The following DNM3 variants were observed in gnomAD, a reference collection of about 807,000 sequenced individuals.
DNM3 encodes dynamin-3.
In DNM3, 47 loss-of-function variants were observed where a neutral mutation model predicts 101.6. That is an observed-to-expected ratio of 0.46 (90% CI 0.37 to 0.59). DNM3 has a LOEUF of 0.59. DNM3 is among the 20% of genes least tolerant of loss of function. The probability of loss-of-function intolerance (pLI) is 0.00; values close to 1 mark genes in which losing one functional copy is unlikely to be tolerated. For missense variants in DNM3, 849 were observed against 1,085.7 expected (o/e 0.78, Z 3.06); for synonymous variants, 385 against 387.9 (o/e 0.99, Z 0.09).
chr1:172,358,207 G>A (rs116293846), intron 17 of DNM3, among the ~76,000 whole-genome samples: 548 of 152,166 alleles, frequency 3.6e-3, no homozygotes, highest in African/African-American at 0.013. Context: ...AATAAAAAAT[G>A]AGAGGCTTTA....
intron 13 of DNM3, among the ~76,000 whole-genome samples, chr1:172,103,533 G>A (rs902735729): frequency 6.6e-6 from 1 of 152,130 alleles, no homozygotes; most frequent in African/African-American, 2.4e-5. Flanking sequence ...TTTCCCTAAG[G>A]ATAGGTATTT....
chr1:172,192,953 C>G (rs2059791710), intron 14 of DNM3, among the ~76,000 whole-genome samples: 1 of 151,396 alleles, frequency 6.6e-6, no homozygotes, highest in South Asian at 2.1e-4. Flanking sequence ...AATCGCCACA[C>G]TGACTTCCAC....
chr1:171,952,726 T>C (rs2042607839), intron 2 of DNM3, among the ~76,000 whole-genome samples: 1 of 152,218 alleles, frequency 6.6e-6, no homozygotes, highest in Non-Finnish European at 1.5e-5. Context: ...CTAGTACATT[T>C]ATTGGCTATT....
At chr1:172,245,519 G>C (rs752353722) in intron 14 of DNM3, among the ~76,000 whole-genome samples, 19 of 152,214 alleles carry the variant, frequency 1.2e-4, no homozygotes, top group Non-Finnish European at 2.8e-4. Context: ...GATGGCTCTA[G>C]AGCACCACAG....
chr1:172,247,711 T>C (rs1035128630), intron 14 of DNM3, among the ~76,000 whole-genome samples: 2 of 146,056 alleles, frequency 1.4e-5, no homozygotes, highest in African/African-American at 4.9e-5. Flanking sequence ...TTTGAGACAG[T>C]TTCGCTCTTG....
chr1:172,314,921 C>T (rs993258409), intron 16 of DNM3, among the ~76,000 whole-genome samples: 82 of 152,188 alleles, frequency 5.4e-4, no homozygotes, highest in Non-Finnish European at 1.0e-3. Flanking sequence ...GATCTGAGAA[C>T]AGGCAGACTG....
At chr1:172,177,523 A>G (rs1477760888) in intron 14 of DNM3, among the ~76,000 whole-genome samples, 2 of 151,884 alleles carry the variant, frequency 1.3e-5, no homozygotes, top group African/African-American at 4.8e-5. Context: ...TGTACTTTCT[A>G]AAACCAAGTT....
intron 1 of DNM3, among the ~76,000 whole-genome samples, chr1:171,920,005 T>C (rs10737340): frequency 0.34 from 51,925 of 152,056 alleles, 9,202 homozygotes; most frequent in East Asian, 0.5. Flanking sequence ...AAATTTGTAA[T>C]TTCACTATTT....
intron 14 of DNM3, among the ~76,000 whole-genome samples, chr1:172,225,992 A>G (rs1255562281): frequency 1.3e-5 from 2 of 152,100 alleles, no homozygotes; most frequent in African/African-American, 4.8e-5. Flanking sequence ...ATAGTTACAC[A>G]GTGTACTTTT....
chr1:171,920,443 A>G (rs1295118264), intron 1 of DNM3, among the ~76,000 whole-genome samples: 2 of 152,318 alleles, frequency 1.3e-5, no homozygotes, highest in Middle Eastern at 3.4e-3. Context: ...GAGCTTGTTA[A>G]GAGTACAAAT....
intron 15 of DNM3, among the ~76,000 whole-genome samples, chr1:172,266,450 G>A (rs181532909): frequency 2.2e-4 from 34 of 152,142 alleles, no homozygotes; most frequent in African/African-American, 6.5e-4. Flanking sequence ...TTCTGGACTC[G>A]GGAATGAAAT....
intron 1 of DNM3, among the ~76,000 whole-genome samples, chr1:171,903,654 T>A (rs1034317094): frequency 6.6e-6 from 1 of 152,216 alleles, no homozygotes; most frequent in African/African-American, 2.4e-5. Flanking sequence ...TCATTGTCTT[T>A]TAATCATAGC....
chr1:172,347,616 A>G (rs1297096094), intron 17 of DNM3, among the ~76,000 whole-genome samples: 1 of 152,218 alleles, frequency 6.6e-6, no homozygotes, highest in African/African-American at 2.4e-5. Context: ...TGATATGAAT[A>G]CACTGACCAG....
At chr1:172,193,617 A>G (rs1255867403) in intron 14 of DNM3, among the ~76,000 whole-genome samples, 2 of 151,952 alleles carry the variant, frequency 1.3e-5, no homozygotes, top group Admixed American at 1.3e-4. Flanking sequence ...GAATTTATCC[A>G]TTTCCTCTAG....
intron 17 of DNM3, among the ~76,000 whole-genome samples, chr1:172,350,499 T>C (rs955660497): frequency 2.0e-5 from 3 of 152,154 alleles, no homozygotes; most frequent in African/African-American, 7.2e-5. Flanking sequence ...ACTGTCGTGG[T>C]ATCACTACAG....
chr1:172,162,129 T>G (rs1453023036), intron 14 of DNM3, among the ~76,000 whole-genome samples: 1 of 152,124 alleles, frequency 6.6e-6, no homozygotes, highest in Non-Finnish European at 1.5e-5. Flanking sequence ...GTAAATATTT[T>G]TATAATAGTA....
chr1:172,237,210 GC>G (rs1282142979), intron 14 of DNM3, among the ~76,000 whole-genome samples: 1 of 152,048 alleles, frequency 6.6e-6, no homozygotes, highest in African/African-American at 2.4e-5. Flanking sequence ...AGATGAAAAT[GC>G]TTTTGTATCT....
intron 1 of DNM3, among the ~76,000 whole-genome samples, chr1:171,883,057 A>C (rs2036426284): frequency 1.3e-5 from 2 of 151,850 alleles, no homozygotes; most frequent in African/African-American, 2.4e-5. Flanking sequence ...CTGTATGTTC[A>C]ATTTTGTATC....
At chr1:172,114,612 CACTT>C (rs1342072024) in intron 13 of DNM3, among the ~76,000 whole-genome samples, 1 of 152,176 alleles carries the variant, frequency 6.6e-6, no homozygotes. Flanking sequence ...CCTGTACTAA[CACTT>C]ACTTATATAA....
Sources: allele counts gnomAD v4.1 joint callset (sites outside exome capture counted in the v4.1 genomes callset), GRCh38; gene constraint gnomAD v4.1.1; transcripts MANE v1.5; gene names NCBI Gene and HGNC (gene_info 2026-07-23, HGNC 2026-07-21).